Variants in SLC6A2 observed in about 807,000 individuals in gnomAD.
SLC6A2 encodes solute carrier family 6 member 2, also known as sodium-dependent noradrenaline transporter.
Under a neutral mutation model 71.7 loss-of-function variants are expected in SLC6A2, and 26 were observed. The ratio of observed to expected loss-of-function variants is 0.36; its 90% CI spans 0.27 to 0.50. SLC6A2 has a LOEUF of 0.50. SLC6A2 is among the 20% of genes least tolerant of loss of function. The pLI is 0.96. For synonymous variants in SLC6A2, 363 were observed against 337.9 expected (o/e 1.07, Z -0.82); for missense variants, 581 against 803.9 (o/e 0.72, Z 3.35).
Position 55,705,420 on chromosome 16 carries a change from A to G in SLC6A2, c.*3074A>G. 1 of 604,662 alleles carries G rather than the reference A, an allele frequency of 1.7e-6. No homozygotes were observed. The highest frequency in any genetic ancestry group is 2.9e-6 in the Non-Finnish European group (1 of 346,742). 37.5% of individuals were successfully genotyped at this position (604,662 alleles called of 1,614,324 possible). On this transcript the variant is annotated 3_prime_UTR_variant, in exon 15 of 15. Coordinates refer to ENST00000568943, the MANE Select transcript of SLC6A2 (RefSeq NM_001172501.3). The stretch of plus-strand genomic sequence containing the variant: ...AAATCATTTCCTAGTAAAGAAGCCC[A>G]TTGAACTCACTTTATTTGTTTATTT...
In SLC6A2 at chr16:55,696,121, C is replaced by T. The variant is rs151035623; in HGVS notation, c.1148-104C>T. The T allele has an allele frequency of 1.8e-4, 137 of 775,428 alleles. No individual in the cohort carries two copies. In the Middle Eastern group the frequency reaches 2.4e-3, roughly 13 times the overall value. The allele number at this position is 775,428 out of a possible 1,614,324, so 48.0% of individuals were successfully genotyped here. On this transcript the variant is annotated intron_variant, in intron 8 of 14. Transcript: ENST00000568943. The stretch of plus-strand genomic sequence containing the variant: ...GTTATCTCTAAACCTGTGTTCTGTC[C>T]GCCCACACATGACCGAACAATTGGG...
Position 55,672,164 on chromosome 16 carries a change from C to A in SLC6A2, c.633C>A (p.Ala211=). The change falls in exon 4 of 15, where the codon GCC becomes GCA. Residue 211 remains alanine (A), a synonymous_variant. Transcript: ENST00000568943. ...KYSKYKFTPA[A]EFYERGVLHL... Reference sequence around the variant, plus strand: ...CCAAGTACAAGTTCACGCCGGCAGCCGAGTTTTATGAGTAAGTCACAGACC... The same window carrying A: ...CCAAGTACAAGTTCACGCCGGCAGCAGAGTTTTATGAGTAAGTCACAGACC... The A allele has an allele frequency of 6.2e-7, 1 of 1,614,134 alleles. No individual in the cohort carries two copies. Among genetic ancestry groups the A allele is most frequent in the Admixed American group, 1.7e-5 (1 of 60,028 alleles).
chr16:55,695,832 G>C (rs1965780447), intron 8 of SLC6A2, among the ~76,000 whole-genome samples: 1 of 152,198 alleles, frequency 6.6e-6, no homozygotes, highest in African/African-American at 2.4e-5. Context: ...AATCAATCCA[G>C]CTCTGGAGCT....
intron 4 of SLC6A2, among the ~76,000 whole-genome samples, chr16:55,680,336 A>C (rs1265829384): frequency 1.3e-5 from 2 of 152,192 alleles, no homozygotes; most frequent in Non-Finnish European, 2.9e-5. Flanking sequence ...TAGATCTCAT[A>C]TGAGTTTATT....
In SLC6A2 at chr16:55,697,805, G is replaced by C. The variant is rs1316471050; in HGVS notation, c.1261-92G>C. 3.6e-6 allele frequency: 5 copies of C among 1,407,638 alleles called. No individual in the cohort carries two copies. In the South Asian group the frequency reaches 4.7e-5, roughly 13 times the overall value. 87.2% of individuals were successfully genotyped at this position (1,407,638 alleles called of 1,614,324 possible). On this transcript the variant is annotated intron_variant, in intron 9 of 14. Coordinates refer to ENST00000568943, the MANE Select transcript of SLC6A2 (RefSeq NM_001172501.3). ...AGGCAAGGCAGCCTACATGAGTCCTGGGCTGCAGGAGGCTCTAGGAACCCT... is the reference window on the plus strand; with the variant it reads ...AGGCAAGGCAGCCTACATGAGTCCTCGGCTGCAGGAGGCTCTAGGAACCCT...
intron 3 of SLC6A2, among the ~76,000 whole-genome samples, chr16:55,670,167 A>T (rs1292271408): frequency 6.6e-6 from 1 of 152,236 alleles, no homozygotes; most frequent in East Asian, 1.9e-4. Flanking sequence ...CTAAGAACAC[A>T]TCTGCAGAAA....
At chr16:55,667,822 C>T (rs1020049698) in intron 2 of SLC6A2, among the ~76,000 whole-genome samples, 2 of 152,126 alleles carry the variant, frequency 1.3e-5, no homozygotes, top group Non-Finnish European at 2.9e-5. Flanking sequence ...TGGAATGTTC[C>T]AGAATCTGTG....
chr16:55,687,810 G>A (rs1320118917), intron 5 of SLC6A2, among the ~76,000 whole-genome samples: 2 of 152,184 alleles, frequency 1.3e-5, no homozygotes, highest in African/African-American at 4.8e-5. Context: ...TGAGTAGAGT[G>A]GAGTATATGT....
intron 9 of SLC6A2, among the ~76,000 whole-genome samples, chr16:55,696,930 G>A (rs1387785808): frequency 6.6e-6 from 1 of 152,198 alleles, no homozygotes; most frequent in East Asian, 1.9e-4. Flanking sequence ...GCTGCAGTGA[G>A]CTATGATTAT....
At chr16:55,694,212 G>A in intron 7 of SLC6A2, 99 bp downstream of exon 7, 2 of 876,386 alleles carry the variant, frequency 2.3e-6, no homozygotes, top group East Asian at 2.5e-5. Flanking sequence ...ACTCTCCCTG[G>A]GCAAGCCAAA....
At position 55,691,970 on chromosome 16, in the gene SLC6A2, T is replaced by C. The variant is rs769672253; in HGVS notation, c.836T>C (p.Val279Ala). ...TACTTCGTGCTGTTCGTGCTCCTGG[T>C]CCATGGCGTCACGCTGCCCGGAGCC... ...LPYFVLFVLL[V>A]HGVTLPGASN... Residue 279 changes from valine to alanine, a missense_variant, in exon 6 of 15, where the codon GTC becomes GCC. Val to Ala is a moderately conservative substitution (Grantham distance 64). Transcript: ENST00000568943. 3 of 1,614,060 alleles carry C rather than the reference T, an allele frequency of 1.9e-6. No homozygotes were observed. Among genetic ancestry groups the C allele is most frequent in the Admixed American group, 3.3e-5 (2 of 60,000 alleles).
Position 55,656,397 on chromosome 16 carries a change from C to A in SLC6A2, c.-52+228C>A. 1 of 505,146 alleles carries A rather than the reference C, an allele frequency of 2.0e-6. No homozygotes were observed. Among genetic ancestry groups the A allele is most frequent in the South Asian group, 2.1e-5 (1 of 47,404 alleles). 31.3% of individuals were successfully genotyped at this position (505,146 alleles called of 1,614,324 possible). On this transcript the variant is annotated intron_variant, in intron 1 of 14. Transcript: ENST00000568943. This position sits in a 1 kb window ranked among gnomAD's most constrained non-coding sequence, Gnocchi z 4.5. ...TTTGGGGCAGGCGAGAGTGGGTGAA[C>A]GAGGAAAAGTGCTGCAGGGTCTTCA... is the stretch of plus-strand genomic sequence containing the variant.
At chr16:55,699,415 C>T in intron 11 of SLC6A2, 139 bp from the exon 12 acceptor site, 1 of 722,002 alleles carries the variant, frequency 1.4e-6, no homozygotes, top group Non-Finnish European at 2.6e-6. Flanking sequence ...AAGGGCCCAT[C>T]CCCGAGTCTC....
In SLC6A2 at chr16:55,703,291, G is replaced by T; in HGVS notation, c.*945G>T. 1 of 985,490 alleles carries T rather than the reference G, an allele frequency of 1.0e-6. No individual in the cohort carries two copies. The highest frequency in any genetic ancestry group is 1.2e-6 in the Non-Finnish European group (1 of 829,962). The allele number at this position is 985,490 out of a possible 1,614,324, so 61.0% of individuals were successfully genotyped here. A position where few individuals can be genotyped will look rare whatever the true frequency, so the allele number is the denominator to read the frequency against. On this transcript the variant is annotated 3_prime_UTR_variant, in exon 15 of 15. Transcript: ENST00000568943. ...CCGTGCTGTCCTCACAAGGCCAGGTGGGTGCCCAAAGGGAGCCTGACAGGC... is the reference window on the plus strand; with the variant it reads ...CCGTGCTGTCCTCACAAGGCCAGGTTGGTGCCCAAAGGGAGCCTGACAGGC...
chr16:55,659,629 C>T (rs1964556845), intron 2 of SLC6A2, among the ~76,000 whole-genome samples: 1 of 152,200 alleles, frequency 6.6e-6, no homozygotes, highest in Non-Finnish European at 1.5e-5. Context: ...TCCTAGATCA[C>T]AGGAATGTGG....
intron 3 of SLC6A2, chr16:55,671,569 G>T (rs988488150): frequency 1.7e-5 from 8 of 473,722 alleles, no homozygotes; most frequent in African/African-American, 3.8e-5. Flanking sequence ...GCTCCCCATC[G>T]CTCGCATGAC....
rs370211389 is a variant in SLC6A2, at chr16:55,665,292, T to C, written c.275-4273T>C. ...TTTGTCACCTTTAAATGTGTCGAAG[T>C]GTGAGCAGCCTTGTCTCCTGACTAA... On this transcript the variant is annotated intron_variant, in intron 2 of 14. Transcript: ENST00000568943. Among the ~76,000 whole-genome samples the C allele has an allele frequency of 5.3e-5, 8 of 152,338 alleles. No homozygotes were observed. In the East Asian group the frequency reaches 1.4e-3, roughly 26 times the overall value.
intron 12 of SLC6A2, 110 bp downstream of exon 12, chr16:55,699,764 C>A (rs1434800986): frequency 7.4e-6 from 6 of 814,252 alleles, no homozygotes; most frequent in Admixed American, 2.0e-5. Flanking sequence ...GATCCAGAGG[C>A]CCTGGTCATG....
intron 4 of SLC6A2, among the ~76,000 whole-genome samples, chr16:55,680,189 A>G (rs1198660075): frequency 2.0e-5 from 3 of 152,186 alleles, no homozygotes; most frequent in African/African-American, 7.2e-5. Flanking sequence ...ATGGTTCTGC[A>G]GTGGCACAGA....
Sources: gnomAD v4.1 joint callset for allele counts (sites outside exome capture counted in the v4.1 genomes callset) on GRCh38, gnomAD v4.1.1 for gene constraint, Gnocchi (gnomAD v3.1) non-coding constraint, MANE v1.5 for transcripts, NCBI Gene and HGNC (gene_info 2026-07-23, HGNC 2026-07-21) for gene names.